ERCC6: variants seen among roughly 807,000 people sequenced by gnomAD.
ERCC6 encodes the protein DNA excision repair protein ERCC-6.
In ERCC6, 116 loss-of-function variants were observed where a neutral mutation model predicts 158.7. The observed-to-expected ratio is 0.73, with a 90% CI of 0.63 to 0.85. The LOEUF (loss-of-function observed/expected upper bound fraction) is 0.85. ERCC6 is among the 40% of genes least tolerant of loss of function. The probability of loss-of-function intolerance (pLI) is 0.00; values close to 1 mark genes in which losing one functional copy is unlikely to be tolerated. For missense variants in ERCC6, 1,698 were observed against 1,799.4 expected (o/e 0.94, Z 1.02); for synonymous variants, 678 against 659.3 (o/e 1.03, Z -0.43).
chr10:49,513,079 T>A (rs116768954), intron 5 of ERCC6, among the ~76,000 whole-genome samples: 1 of 152,232 alleles, frequency 6.6e-6, no homozygotes, highest in South Asian at 2.1e-4. Flanking sequence ...CTAGTGGGCA[T>A]GTAACAAGAA....
At chr10:49,480,521 C>T (rs544283746) in intron 10 of ERCC6, among the ~76,000 whole-genome samples, 18 of 152,146 alleles carry the variant, frequency 1.2e-4, no homozygotes, top group Non-Finnish European at 2.2e-4. Context: ...AGATCTCACC[C>T]GCTAGGAAGG....
chr10:49,530,018 T>C (rs1837432222), intron 3 of ERCC6, among the ~76,000 whole-genome samples: 1 of 151,702 alleles, frequency 6.6e-6, no homozygotes, highest in Non-Finnish European at 1.5e-5. Flanking sequence ...AGGGCCAAGC[T>C]CTCGCAACTG....
intron 5 of ERCC6, among the ~76,000 whole-genome samples, chr10:49,512,515 C>T (rs987912385): frequency 6.6e-6 from 1 of 152,052 alleles, no homozygotes; most frequent in Non-Finnish European, 1.5e-5. Flanking sequence ...ATTAAGTGGG[C>T]CTTAAGCTTA....
chr10:49,507,240 A>T (rs2132584124), intron 5 of ERCC6, among the ~76,000 whole-genome samples: 1 of 152,258 alleles, frequency 6.6e-6, no homozygotes, highest in South Asian at 2.1e-4. Context: ...TCAAGGTAAC[A>T]AAAGGAAGGG....
chr10:49,441,677 C>T, the ERCC6 span, among the ~76,000 whole-genome samples: 6 of 152,256 alleles, frequency 3.9e-5, no homozygotes, highest in African/African-American at 1.4e-4. Context: ...GCAGCGGGTG[C>T]GGACGGGAGC....
At chr10:49,462,698 T>A (rs539506755) in intron 18 of ERCC6, among the ~76,000 whole-genome samples, 22 of 151,844 alleles carry the variant, frequency 1.4e-4, no homozygotes, top group African/African-American at 5.3e-4. Context: ...GAAAGAAAAA[T>A]TTTTTAAATA....
chr10:49,479,402 A>G (rs961526505), intron 10 of ERCC6, among the ~76,000 whole-genome samples: 3 of 152,198 alleles, frequency 2.0e-5, no homozygotes, highest in African/African-American at 4.8e-5. Context: ...ATGCACATAT[A>G]TGTATGTGTG....
downstream of ERCC6, among the ~76,000 whole-genome samples, chr10:49,453,519 A>C (rs2132518571): frequency 6.6e-6 from 1 of 152,288 alleles, no homozygotes; most frequent in Non-Finnish European, 1.5e-5. Flanking sequence ...AATACATCAT[A>C]TACGTATTAT....
At chr10:49,483,253 G>A in intron 9 of ERCC6, 93 bp downstream of exon 9, 1 of 1,312,320 alleles carries the variant, frequency 7.6e-7, no homozygotes, top group South Asian at 1.2e-5. Context: ...CACAAGGAAA[G>A]ATTCAATAAA....
intron 5 of ERCC6, chr10:49,515,295 A>G: frequency 1.3e-6 from 2 of 1,569,952 alleles, no homozygotes; most frequent in East Asian, 2.2e-5. Context: ...CATAATGTAT[A>G]AAACTATGTT....
intron 4 of ERCC6, among the ~76,000 whole-genome samples, chr10:49,526,137 A>T (rs911824203): frequency 4.1e-4 from 9 of 21,772 alleles, no homozygotes; most frequent in African/African-American, 8.8e-4. Context: ...ATATATATAT[A>T]TATATATATA....
At position 49,461,387 on chromosome 10, in the gene ERCC6, G is replaced by T; in HGVS notation, c.3948C>A (p.Gly1316=). The T allele has an allele frequency of 6.2e-7, 1 of 1,613,768 alleles. No individual in the cohort carries two copies. The highest frequency in any genetic ancestry group is 8.5e-7 in the Non-Finnish European group (1 of 1,180,028). The change falls in exon 19 of 21, where the codon GGC becomes GGA. Residue 1316 remains glycine, a synonymous_variant. Coordinates refer to ENST00000355832, the MANE Select transcript of ERCC6 (RefSeq NM_000124.4). ...GAVSGVPTWT[G]HRGISGAPAG... is the part of the protein sequence containing the mutation. ...CTGGTGCACCAGAAATCCCCCTGTG[G>T]CCAGTCCAGGTGGGAACACCAGACA...
rs1443461501 is a variant in ERCC6, at chr10:49,527,197, CT to C, written c.652+1219del. On this transcript the variant is annotated intron_variant, in intron 4 of 20. Transcript: ENST00000355832. ...ATTAACCCTACTACCAAAGTTTTAG[CT>C]ATTAACCCTAAGAGGTAGCTATTAA... Among the ~76,000 whole-genome samples the C allele has an allele frequency of 2.0e-5, 3 of 152,124 alleles. No homozygotes were observed. In the South Asian group the frequency reaches 6.2e-4, roughly 31 times the overall value.
chr10:49,493,566 C>T (rs2132565507), intron 7 of ERCC6, among the ~76,000 whole-genome samples: 1 of 152,212 alleles, frequency 6.6e-6, no homozygotes, highest in South Asian at 2.1e-4. Flanking sequence ...ACTCTTTTCC[C>T]TTCTACTACA....
chr10:49,516,670 A>G (rs565749947), intron 5 of ERCC6: 1 of 1,614,188 alleles, frequency 6.2e-7, no homozygotes, highest in Non-Finnish European at 8.5e-7. Context: ...TCATCAAGAA[A>G]AAGTTCAAGA....
At chr10:49,444,650 G>A in the ERCC6 span, among the ~76,000 whole-genome samples, 1 of 152,176 alleles carries the variant, frequency 6.6e-6, no homozygotes, top group African/African-American at 2.4e-5. Context: ...GAGTGAGTAC[G>A]AGGATTGAGC....
chr10:49,513,079 T>G lies in ERCC6; in HGVS notation c.1398-7067A>C, dbSNP rs116768954. On this transcript the variant is annotated intron_variant, in intron 5 of 20. Coordinates refer to ENST00000355832, the MANE Select transcript of ERCC6 (RefSeq NM_000124.4). ...TGTGGTAACTTTTAGCTAGTGGGCA[T>G]GTAACAAGAATAGCTAATACTTACG... Among the ~76,000 whole-genome samples the G allele has an allele frequency of 4.2e-3, 638 of 152,344 alleles. 3 individuals are homozygous for G. The highest frequency in any genetic ancestry group is 0.015 in the African/African-American group (615 of 41,574).
At chr10:49,510,010 A>G (rs550009151) in intron 5 of ERCC6, among the ~76,000 whole-genome samples, 1 of 152,284 alleles carries the variant, frequency 6.6e-6, no homozygotes, top group Admixed American at 6.5e-5. Flanking sequence ...GAAGCTGGGA[A>G]CAAACATAAA....
rs973412282 is a variant in ERCC6, at chr10:49,502,172, C to T, written c.1527-1476G>A. On this transcript the variant is annotated intron_variant, in intron 6 of 20. Coordinates refer to ENST00000355832, the MANE Select transcript of ERCC6 (RefSeq NM_000124.4). ...TTATTTAATCTCCTCTCAGTAAATA[C>T]GTCATAATTAACTTTCTCCCAGTAT... 48 of 152,176 alleles carry T rather than the reference C, an allele frequency of 3.2e-4. 2 individuals carry two copies. Among genetic ancestry groups the T allele is most frequent in the Admixed American group, 2.9e-3 (44 of 15,290 alleles). The allele number at this position is 152,176 out of a possible 1,614,324, so 9.4% of individuals were successfully genotyped here. A position where few individuals can be genotyped will look rare whatever the true frequency, so the allele number is the denominator to read the frequency against.
Sources: gnomAD v4.1 joint callset for allele counts (sites outside exome capture counted in the v4.1 genomes callset) on GRCh38, gnomAD v4.1.1 for gene constraint, MANE v1.5 for transcripts, NCBI Gene and HGNC (gene_info 2026-07-23, HGNC 2026-07-21) for gene names.